PCDHGB2: variants seen among roughly 807,000 people sequenced by gnomAD.
The protein encoded by PCDHGB2 is protocadherin gamma-B2.
In PCDHGB2, 55 loss-of-function variants were observed where a neutral mutation model predicts 59.3. The observed-to-expected ratio is 0.93, with a 90% CI of 0.75 to 1.16. The LOEUF (loss-of-function observed/expected upper bound fraction) is 1.16. Among genes scored for constraint, PCDHGB2 ranks in the 50% most tolerant of loss-of-function variants. The probability of loss-of-function intolerance (pLI) is 0.00; values close to 1 mark genes in which losing one functional copy is unlikely to be tolerated. For missense variants in PCDHGB2, 1,228 were observed against 1,198.5 expected, an observed-to-expected ratio of 1.02 and a Z score of -0.36; for synonymous variants, 516 against 512.0, an observed-to-expected ratio of 1.01 and a Z score of -0.11.
At chr5:141,405,240 C>G (rs2094630274) in intron 1 of PCDHGB2, 4 of 1,614,136 alleles carry the variant, frequency 2.5e-6, no homozygotes, top group African/African-American at 2.7e-5. Context: ...ACCGCTGACT[C>G]AAGGAAGAGT....
chr5:141,389,356 C>T lies in PCDHGB2; in HGVS notation c.2421+26800C>T, dbSNP rs188323445. 2.1e-5 allele frequency: 34 copies of T among 1,613,916 alleles called. No homozygotes were observed. The Middle Eastern group carries it at 1.6e-3, about 78-fold the overall frequency. ...GGCCAAGTCTCTTACTGCATCATGG[C>T]CAGTGACCTGGAGCAGCGGGAGCTG... On this transcript the variant is annotated intron_variant, in intron 1 of 3. Transcript: ENST00000522605.
chr5:141,490,960 T>C lies in PCDHGB2; in HGVS notation c.2422-3847T>C. 1.9e-6 allele frequency: 3 copies of C among 1,613,794 alleles called. No homozygotes were observed. The highest frequency in any genetic ancestry group is 2.2e-5 in the South Asian group (2 of 91,030). On this transcript the variant is annotated intron_variant, in intron 1 of 3. Transcript: ENST00000522605. The surrounding 1 kb of genome is among the most constrained non-coding windows in gnomAD (Gnocchi z 5.4). ...GCACCCACGGCCAGACTGGGAACACTCAGCCCCCCAGCGTCTCCCTCGCTC... is the reference window on the plus strand; with the variant it reads ...GCACCCACGGCCAGACTGGGAACACCCAGCCCCCCAGCGTCTCCCTCGCTC...
At chr5:141,421,184 C>T (rs2096551183) in intron 1 of PCDHGB2, 4 of 1,457,822 alleles carry the variant, frequency 2.7e-6, no homozygotes, top group Non-Finnish European at 3.7e-6. Context: ...CGATTCACAA[C>T]CAACCAGCTC....
At chr5:141,455,186 C>T (rs1436215310) in intron 1 of PCDHGB2, among the ~76,000 whole-genome samples, 3 of 151,542 alleles carry the variant, frequency 2.0e-5, no homozygotes, top group Non-Finnish European at 2.9e-5. Context: ...TTTTATTTCT[C>T]TACAAATTTA....
intron 1 of PCDHGB2, chr5:141,413,247 CGGGATTCCAT>C: frequency 6.2e-7 from 1 of 1,613,940 alleles, no homozygotes; most frequent in South Asian, 1.1e-5. Flanking sequence ...GCCTTTTCTT[CGGGATTCCAT>C]GGGAGGCTGG....
At chr5:141,371,513 T>C (rs1470036501) in intron 1 of PCDHGB2, 5 of 1,613,818 alleles carry the variant, frequency 3.1e-6, no homozygotes, top group Non-Finnish European at 4.2e-6. Flanking sequence ...AAACACATGA[T>C]CTAGATTCTG....
At chr5:141,496,268 G>T (rs1237681971) in intron 2 of PCDHGB2, among the ~76,000 whole-genome samples, 1 of 152,208 alleles carries the variant, frequency 6.6e-6, no homozygotes, top group Non-Finnish European at 1.5e-5. Flanking sequence ...TCAGCAGAAA[G>T]ACCTTCAGTT....
At position 141,432,580 on chromosome 5, in the gene PCDHGB2, T is replaced by C. The variant is rs773087131; in HGVS notation, c.2422-62227T>C. 20 of 1,613,202 alleles carry C rather than the reference T, an allele frequency of 1.2e-5. No individual in the cohort carries two copies. The highest frequency in any genetic ancestry group is 4.0e-5 in the African/African-American group (3 of 74,662). On this transcript the variant is annotated intron_variant, in intron 1 of 3. Transcript: ENST00000522605. The surrounding 1 kb of genome is among the most constrained non-coding windows in gnomAD (Gnocchi z 6.0). ...GCCAGAACGCCTGGCTGTCCTACCG[T>C]CTGCTCAAGGCCAGCGAGCCGGGAC... is the stretch of plus-strand genomic sequence containing the variant.
At chr5:141,422,459 T>C (rs1368153179) in intron 1 of PCDHGB2, 1 of 1,613,448 alleles carries the variant, frequency 6.2e-7, no homozygotes, top group South Asian at 1.1e-5. Context: ...AGCAGAGTGC[T>C]GGACAGGGAG....
At chr5:141,501,841 C>T (rs2099811330) in intron 2 of PCDHGB2, among the ~76,000 whole-genome samples, 1 of 152,130 alleles carries the variant, frequency 6.6e-6, no homozygotes, top group African/African-American at 2.4e-5. Flanking sequence ...CTGTTTGGCC[C>T]TCAACCTTCA....
chr5:141,394,458 A>T, intron 1 of PCDHGB2: 1 of 1,614,218 alleles, frequency 6.2e-7, no homozygotes, highest in Non-Finnish European at 8.5e-7. Context: ...CATGTCACTG[A>T]GCCTGTTCGT....
rs1410460145 is a variant in PCDHGB2 at position 141,490,798 on chromosome 5, C to T, written c.2422-4009C>T. On this transcript the variant is annotated intron_variant, in intron 1 of 3. Coordinates refer to ENST00000522605, the MANE Select transcript of PCDHGB2 (RefSeq NM_018923.3). The surrounding 1 kb of genome is among the most constrained non-coding windows in gnomAD (Gnocchi z 5.4). The stretch of plus-strand genomic sequence containing the variant: ...AGAGGATGGACGGATCTTTGCCCAG[C>T]GTACCTTTGACTATGAATTGCTGCA... 9.3e-6 allele frequency: 15 copies of T among 1,613,808 alleles called. No individual in the cohort carries two copies. Among genetic ancestry groups the T allele is most frequent in the Admixed American group, 6.7e-5 (4 of 60,002 alleles).
Position 141,361,514 on chromosome 5 carries a change from A to T in PCDHGB2, c.1379A>T (p.His460Leu), listed in dbSNP as rs765118611. 6.8e-6 allele frequency: 11 copies of T among 1,614,028 alleles called. No individual in the cohort carries two copies. The highest frequency in any genetic ancestry group is 9.3e-6 in the Non-Finnish European group (11 of 1,179,890). ...PVFQQTSYMVHVAENNPPGAS... is the reference protein window; with the variant it reads ...PVFQQTSYMVLVAENNPPGAS... ...TTCCAACAGACTTCCTACATGGTTC[A>T]CGTGGCAGAGAACAATCCTCCTGGC... is the stretch of plus-strand genomic sequence containing the variant. Residue 460 changes from histidine to leucine, a missense_variant, in exon 1 of 4, where the codon CAC becomes CTC. By Grantham distance (99) the His-to-Leu change is moderately conservative (BLOSUM62 -3). Around this residue, in one of 3 missense-constraint regions of PCDHGB2, gnomAD observed 781 missense variants for 721.6 expected, o/e 1.08. Coordinates refer to ENST00000522605, the MANE Select transcript of PCDHGB2 (RefSeq NM_018923.3).
At chr5:141,417,001 A>G (rs1590037654) in intron 1 of PCDHGB2, 1 of 150,924 alleles carries the variant, frequency 6.6e-6, no homozygotes, top group African/African-American at 2.5e-5. Context: ...TTCATCTCAA[A>G]TAATTCTATT....
At chr5:141,379,296 G>T (rs537053500) in intron 1 of PCDHGB2, 18 of 152,178 alleles carry the variant, frequency 1.2e-4, no homozygotes, top group African/African-American at 4.1e-4. Flanking sequence ...GTTTCCAAAG[G>T]TATATACCTA....
intron 1 of PCDHGB2, chr5:141,364,734 A>T: frequency 6.2e-7 from 1 of 1,613,934 alleles, no homozygotes; most frequent in Non-Finnish European, 8.5e-7. Flanking sequence ...CGTTTCCGGG[A>T]TGAAGAGTTA....
intron 2 of PCDHGB2, among the ~76,000 whole-genome samples, chr5:141,495,936 T>C (rs1329369782): frequency 6.6e-6 from 1 of 152,206 alleles, no homozygotes; most frequent in Non-Finnish European, 1.5e-5. Flanking sequence ...GTCTCTGGTC[T>C]CTGTGCCTGT....
At chr5:141,385,300 A>G (rs1781097976) in intron 1 of PCDHGB2, 2 of 1,613,102 alleles carry the variant, frequency 1.2e-6, no homozygotes, top group Non-Finnish European at 8.5e-7. Flanking sequence ...TCAGGAATGT[A>G]AAGAAAACCT....
intron 1 of PCDHGB2, chr5:141,374,459 A>C: frequency 1.9e-6 from 3 of 1,613,448 alleles, no homozygotes; most frequent in Non-Finnish European, 1.7e-6. Flanking sequence ...AATAGTGGAC[A>C]TTAATGACAA....
Sources: allele counts gnomAD v4.1 joint callset (sites outside exome capture counted in the v4.1 genomes callset), GRCh38; gene constraint gnomAD v4.1.1; regional missense constraint gnomAD v4.1.1; non-coding constraint Gnocchi (gnomAD v3.1); transcripts MANE v1.5; gene names NCBI Gene and HGNC (gene_info 2026-07-23, HGNC 2026-07-21).